Variants in MARCHF1 observed in about 807,000 individuals in gnomAD.
MARCHF1 encodes E3 ubiquitin-protein ligase MARCHF1.
A neutral mutation model predicts 54.2 loss-of-function variants in MARCHF1; 40 were observed. The ratio of observed to expected loss-of-function variants is 0.74; its 90% CI spans 0.57 to 0.96. The LOEUF is 0.96. MARCHF1 is among the 40% of genes least tolerant of loss of function. MARCHF1 has a pLI of 0.00. For synonymous variants in MARCHF1, 236 were observed against 236.3 expected, an observed-to-expected ratio of 1.00 and a Z score of 0.01; for missense variants, 586 against 656.5, an observed-to-expected ratio of 0.89 and a Z score of 1.17.
chr4:164,080,686 G>A (rs951417775), intron 2 of MARCHF1, among the ~76,000 whole-genome samples: 6 of 148,948 alleles, frequency 4.0e-5, no homozygotes, highest in East Asian at 2.0e-4. Flanking sequence ...ATATATATAT[G>A]TGTGTGTATA....
chr4:164,125,642 G>A (rs1428454432), intron 1 of MARCHF1, among the ~76,000 whole-genome samples: 1 of 152,150 alleles, frequency 6.6e-6, no homozygotes, highest in Non-Finnish European at 1.5e-5. Context: ...CATTTGCGTT[G>A]GATCTGCTAT....
At chr4:164,013,666 G>A (rs1428888501) in intron 2 of MARCHF1, among the ~76,000 whole-genome samples, 1 of 152,144 alleles carries the variant, frequency 6.6e-6, no homozygotes, top group Non-Finnish European at 1.5e-5. Flanking sequence ...ACATATAAAG[G>A]AGTTCTGATG....
rs146357456 is a variant in MARCHF1, at chr4:163,889,919, C to CTTTTTTTTTTTTTTTTTTTTT, written c.-38-35751_-38-35750insAAAAAAAAAAAAAAAAAAAAA. On this transcript the variant is annotated intron_variant, in intron 3 of 9. Transcript: ENST00000514618. The stretch of plus-strand genomic sequence containing the variant: ...ATGTTAAACTTCGTTTATTTATTTT[C>CTTTTTTTTTTTTTTTTTTTTT]TTTTTTCTTTTTTTTTTTTTTTTGA... Among the ~76,000 whole-genome samples, 5 of 117,238 alleles carry CTTTTTTTTTTTTTTTTTTTTT rather than the reference C, an allele frequency of 4.3e-5. 2 individuals carry two copies. Among genetic ancestry groups the CTTTTTTTTTTTTTTTTTTTTT allele is most frequent in the Non-Finnish European group, 8.4e-5 (5 of 59,706 alleles). The allele number at this position is 117,238 out of a possible 152,430, so 76.9% of individuals were successfully genotyped here.
At chr4:163,813,214 C>G (rs1040000882) in intron 4 of MARCHF1, among the ~76,000 whole-genome samples, 4 of 152,130 alleles carry the variant, frequency 2.6e-5, no homozygotes, top group Non-Finnish European at 5.9e-5. Context: ...GGAAAATAAC[C>G]CTTATACTAT....
intron 2 of MARCHF1, among the ~76,000 whole-genome samples, chr4:164,099,795 T>A (rs1209876889): frequency 1.3e-5 from 2 of 152,152 alleles, no homozygotes; most frequent in Admixed American, 6.5e-5. Context: ...CAAAAATATA[T>A]GTATAAATGC....
chr4:163,623,421 A>C (rs867112023), intron 5 of MARCHF1, among the ~76,000 whole-genome samples: 4 of 152,236 alleles, frequency 2.6e-5, no homozygotes, highest in Non-Finnish European at 5.9e-5. Context: ...GTTCTTTATA[A>C]GTGCCAACTA....
In MARCHF1 at chr4:163,933,097, C is replaced by T. The variant is rs141376805; in HGVS notation, c.-39+55404G>A. On this transcript the variant is annotated intron_variant, in intron 3 of 9. Coordinates refer to ENST00000514618, the MANE Select transcript of MARCHF1 (RefSeq NM_001394959.1). ...GAGCTTGCCTGCACGCTGGCTAAAA[C>T]GGCTTTTGATGAGGCCATTGCAGAA... The T allele has an allele frequency of 2.4e-3, 3,414 of 1,419,598 alleles. 8 individuals are homozygous for T. Among genetic ancestry groups the T allele is most frequent in the Admixed American group, 4.5e-3 (230 of 51,644 alleles). The allele number at this position is 1,419,598 out of a possible 1,614,324, so 87.9% of individuals were successfully genotyped here. A position where few individuals can be genotyped will look rare whatever the true frequency, so the allele number is the denominator to read the frequency against.
At position 163,651,795 on chromosome 4, in the gene MARCHF1, C is replaced by A. The variant is rs72991571; in HGVS notation, c.163-38402G>T. ...AAAGTCTATTCACATTCTCCATTTC[C>A]ACTTTTTTTTTTTTTAAAGTTAGTC... On this transcript the variant is annotated intron_variant, in intron 5 of 9. Transcript: ENST00000514618. 9.9e-3 allele frequency among the ~76,000 whole-genome samples: 1,438 copies of A among 144,872 alleles called. 22 individuals are homozygous for A. The highest frequency in any genetic ancestry group is 0.035 in the African/African-American group (1,269 of 36,484).
At chr4:163,822,530 T>C (rs1748722509) in intron 4 of MARCHF1, among the ~76,000 whole-genome samples, 1 of 151,946 alleles carries the variant, frequency 6.6e-6, no homozygotes, top group African/African-American at 2.4e-5. Flanking sequence ...TAATTGGGAC[T>C]ATTTTAATGT....
At chr4:163,774,310 C>G (rs1747243147) in intron 4 of MARCHF1, among the ~76,000 whole-genome samples, 1 of 152,046 alleles carries the variant, frequency 6.6e-6, no homozygotes, top group African/African-American at 2.4e-5. Flanking sequence ...TTGGTAGACT[C>G]CACTAATGTG....
At chr4:163,962,382 G>C (rs893645497) in intron 3 of MARCHF1, among the ~76,000 whole-genome samples, 1 of 151,768 alleles carries the variant, frequency 6.6e-6, no homozygotes, top group African/African-American at 2.4e-5. Context: ...GTGGAATTGG[G>C]GGTTGGGGCC....
At chr4:163,934,949 C>A (rs1751762182) in intron 3 of MARCHF1, among the ~76,000 whole-genome samples, 3 of 151,658 alleles carry the variant, frequency 2.0e-5, no homozygotes, top group Non-Finnish European at 2.9e-5. Context: ...TGCCCAGATT[C>A]AATCAAAGGA....
chr4:164,100,177 C>T (rs1225915887), intron 2 of MARCHF1, among the ~76,000 whole-genome samples: 5 of 152,142 alleles, frequency 3.3e-5, no homozygotes, highest in Admixed American at 2.6e-4. Context: ...GAAACTTTCA[C>T]AACTACCTAG....
At chr4:164,220,645 A>T (rs1732077773) in intron 1 of MARCHF1, among the ~76,000 whole-genome samples, 1 of 146,190 alleles carries the variant, frequency 6.8e-6, no homozygotes, top group South Asian at 2.1e-4. Context: ...TATGCTATAT[A>T]TGCATATATG....
Position 163,527,682 on chromosome 4 carries a change from C to CAACT in MARCHF1, c.*1062_*1065dup, listed in dbSNP as rs1553988772. On this transcript the variant is annotated 3_prime_UTR_variant, in exon 10 of 10. Transcript: ENST00000514618. The stretch of plus-strand genomic sequence containing the variant: ...AATTAAACTGTTTTGAAATACTCAA[C>CAACT]AACTGTTAAATAAAGCAGAAGCTTA... 6.6e-6 allele frequency: 1 copy of CAACT among 152,004 alleles called. No homozygotes were observed. The highest frequency in any genetic ancestry group is 1.5e-5 in the Non-Finnish European group (1 of 67,944). The allele number at this position is 152,004 out of a possible 1,614,324, so 9.4% of individuals were successfully genotyped here. A position where few individuals can be genotyped will look rare whatever the true frequency, so the allele number is the denominator to read the frequency against.
chr4:163,740,407 A>C (rs7667981), intron 4 of MARCHF1, among the ~76,000 whole-genome samples: 61,509 of 152,066 alleles, frequency 0.4, 13,026 homozygotes, highest in Non-Finnish European at 0.47. Context: ...GGACACAAGA[A>C]TCATGGGTCA....
intron 5 of MARCHF1, among the ~76,000 whole-genome samples, chr4:163,669,735 A>C (rs997914656): frequency 2.0e-5 from 3 of 152,042 alleles, no homozygotes; most frequent in Non-Finnish European, 4.4e-5. Context: ...AGTAGATGGA[A>C]TTACAGGCAC....
intron 1 of MARCHF1, among the ~76,000 whole-genome samples, chr4:164,345,819 A>T (rs1730077274): frequency 6.6e-6 from 1 of 151,422 alleles, no homozygotes; most frequent in Non-Finnish European, 1.5e-5. Flanking sequence ...TTTTTTTCTA[A>T]TTTTTTCCAA....
chr4:163,678,206 T>C (rs754313392), intron 5 of MARCHF1, among the ~76,000 whole-genome samples: 5 of 152,194 alleles, frequency 3.3e-5, no homozygotes, highest in Admixed American at 1.3e-4. Context: ...AGGAAAACAC[T>C]TGAACTTCAT....
Sources: allele counts gnomAD v4.1 joint callset (sites outside exome capture counted in the v4.1 genomes callset), GRCh38; gene constraint gnomAD v4.1.1; transcripts MANE v1.5; gene names NCBI Gene and HGNC (gene_info 2026-07-23, HGNC 2026-07-21).